The following ZBTB7C variants were observed in gnomAD, a reference collection of about 807,000 sequenced individuals.
ZBTB7C encodes the protein zinc finger and BTB domain containing 7C.
ZBTB7C carries 8 observed loss-of-function variants against 25.7 expected under a neutral mutation model. The ratio of observed to expected loss-of-function variants is 0.31; its 90% CI spans 0.18 to 0.56. The LOEUF is 0.56. ZBTB7C is among the 20% of genes least tolerant of loss of function. ZBTB7C has a pLI of 0.91. For missense variants in ZBTB7C, 824 were observed against 855.2 expected, an observed-to-expected ratio of 0.96 and a Z score of 0.46; for synonymous variants, 394 against 369.0, an observed-to-expected ratio of 1.07 and a Z score of -0.78.
chr18:48,206,565 T>G (rs537373638), intron 2 of ZBTB7C, among the ~76,000 whole-genome samples: 345 of 152,070 alleles, frequency 2.3e-3, no homozygotes, highest in Admixed American at 4.2e-3. Flanking sequence ...GAGGCTGAAG[T>G]GGGAGGATCG....
chr18:48,106,005 G>A (rs979463077), intron 3 of ZBTB7C, among the ~76,000 whole-genome samples: 4 of 152,190 alleles, frequency 2.6e-5, no homozygotes, highest in Admixed American at 1.3e-4. Flanking sequence ...CTGATAACAC[G>A]TCCTATGACC....
chr18:48,213,297 T>C (rs922475899), intron 2 of ZBTB7C, among the ~76,000 whole-genome samples: 1 of 152,220 alleles, frequency 6.6e-6, no homozygotes, highest in African/African-American at 2.4e-5. Flanking sequence ...TAGTTTTCTG[T>C]CCGCAAACCC....
chr18:48,229,708 C>T (rs953908626), intron 2 of ZBTB7C, among the ~76,000 whole-genome samples: 13 of 152,184 alleles, frequency 8.5e-5, no homozygotes, highest in African/African-American at 3.1e-4. Context: ...GAGGAATAAT[C>T]AGCTCTGTTG....
chr18:48,180,294 C>T (rs1451898352), intron 3 of ZBTB7C: 1 of 456,334 alleles, frequency 2.2e-6, no homozygotes, highest in East Asian at 6.9e-5. Flanking sequence ...TCTCCCTAGA[C>T]CTTCTTGTTG....
chr18:48,125,587 G>A (rs2039773485), intron 3 of ZBTB7C, among the ~76,000 whole-genome samples: 1 of 152,214 alleles, frequency 6.6e-6, no homozygotes, highest in Admixed American at 6.5e-5. Flanking sequence ...CAGAGGTGCT[G>A]GCCATAACAA....
intron 2 of ZBTB7C, among the ~76,000 whole-genome samples, chr18:48,334,612 G>A (rs1184515060): frequency 1.3e-5 from 2 of 152,192 alleles, no homozygotes; most frequent in Non-Finnish European, 2.9e-5. Flanking sequence ...AGATGGGGCT[G>A]GGCATAGGGC....
chr18:48,380,751 T>C (rs2047617448), intron 1 of ZBTB7C, among the ~76,000 whole-genome samples: 1 of 152,108 alleles, frequency 6.6e-6, no homozygotes, highest in South Asian at 2.1e-4. Flanking sequence ...AAAATCTGAA[T>C]AAAGAATGAA....
At chr18:48,399,722 AAG>A (rs1190586620) in intron 1 of ZBTB7C, among the ~76,000 whole-genome samples, 2 of 152,236 alleles carry the variant, frequency 1.3e-5, no homozygotes, top group Non-Finnish European at 2.9e-5. Context: ...TCATTTTAAA[AAG>A]AGGAGACACT....
chr18:48,331,156 C>T (rs906291891), intron 2 of ZBTB7C, among the ~76,000 whole-genome samples: 1 of 152,076 alleles, frequency 6.6e-6, no homozygotes, highest in East Asian at 1.9e-4. Context: ...CATGATTTCC[C>T]GAAGGACAGG....
At chr18:48,122,929 A>T (rs1009691212) in intron 3 of ZBTB7C, among the ~76,000 whole-genome samples, 10 of 152,266 alleles carry the variant, frequency 6.6e-5, no homozygotes, top group Non-Finnish European at 1.0e-4. Flanking sequence ...CCCAACACAC[A>T]CAAGAAAGTT....
rs547705858 is a variant in ZBTB7C, at chr18:48,300,668, G to A, written c.-79+37506C>T. Among the ~76,000 whole-genome samples, 9 of 152,348 alleles carry A rather than the reference G, an allele frequency of 5.9e-5. No homozygotes were observed. The South Asian group carries it at 8.3e-4, about 14-fold the overall frequency. Reference sequence around the variant, plus strand: ...GGAAATGAATGGCAAAAAAAATGCCGGGAAGAAAGGCAGAAGAGGACAGCC... The same window carrying A: ...GGAAATGAATGGCAAAAAAAATGCCAGGAAGAAAGGCAGAAGAGGACAGCC... On this transcript the variant is annotated intron_variant, in intron 2 of 4. Coordinates refer to ENST00000590800, the MANE Select transcript of ZBTB7C (RefSeq NM_001318841.2).
chr18:48,299,422 C>T (rs2045487274), intron 2 of ZBTB7C, among the ~76,000 whole-genome samples: 1 of 152,278 alleles, frequency 6.6e-6, no homozygotes, highest in Non-Finnish European at 1.5e-5. Context: ...GAAGGGAGAA[C>T]AGAAAAGGTA....
At chr18:48,258,133 T>G (rs2044072208) in intron 2 of ZBTB7C, among the ~76,000 whole-genome samples, 1 of 152,214 alleles carries the variant, frequency 6.6e-6, no homozygotes, top group Non-Finnish European at 1.5e-5. Flanking sequence ...TCATATTTAA[T>G]GATGAACAAC....
intron 2 of ZBTB7C, among the ~76,000 whole-genome samples, chr18:48,272,065 A>AT (rs1430158256): frequency 2.0e-5 from 3 of 152,166 alleles, no homozygotes; most frequent in Admixed American, 6.5e-5. Context: ...ATGATGGTTA[A>AT]TTTTTTTATG....
chr18:48,252,787 G>A (rs1328003299), intron 2 of ZBTB7C: 2 of 152,208 alleles, frequency 1.3e-5, no homozygotes, highest in East Asian at 1.9e-4. Context: ...CTCCACCCAT[G>A]GAATAAGCCA....
At chr18:48,082,415 C>A (rs2038025045) in intron 3 of ZBTB7C, among the ~76,000 whole-genome samples, 2 of 152,146 alleles carry the variant, frequency 1.3e-5, no homozygotes, top group South Asian at 4.1e-4. Context: ...TCCTTATCTG[C>A]AGGAACCCAA....
intron 3 of ZBTB7C, among the ~76,000 whole-genome samples, chr18:48,083,341 C>A (rs1255111681): frequency 2.6e-5 from 4 of 152,126 alleles, no homozygotes; most frequent in Non-Finnish European, 1.5e-5. Flanking sequence ...GCCAAACTAA[C>A]AATCTAGAAG....
chr18:48,278,771 G>T (rs183574685), intron 2 of ZBTB7C, among the ~76,000 whole-genome samples: 81 of 152,174 alleles, frequency 5.3e-4, no homozygotes, highest in African/African-American at 1.9e-3. Flanking sequence ...GCAAATAGTT[G>T]CTTTAAGCCA....
chr18:48,099,672 C>T (rs1284700244), intron 3 of ZBTB7C, among the ~76,000 whole-genome samples: 2 of 152,224 alleles, frequency 1.3e-5, no homozygotes, highest in Admixed American at 1.3e-4. Context: ...ACCAATCGCT[C>T]CTGCTGGCTG....
Sources: gnomAD v4.1 joint callset for allele counts (sites outside exome capture counted in the v4.1 genomes callset) on GRCh38, gnomAD v4.1.1 for gene constraint, MANE v1.5 for transcripts, NCBI Gene and HGNC (gene_info 2026-07-23, HGNC 2026-07-21) for gene names.